Variants in MYO9A observed in about 807,000 individuals in gnomAD.
MYO9A encodes the protein unconventional myosin-IXa.
In MYO9A, 103 loss-of-function variants were observed where a neutral mutation model predicts 293.3. That is an observed-to-expected ratio of 0.35 (90% CI 0.30 to 0.41). MYO9A has a LOEUF of 0.41. MYO9A is among the 10% of genes least tolerant of loss of function. MYO9A has a pLI of 1.00. For missense variants in MYO9A, 2,685 were observed against 3,033.0 expected (o/e 0.89, Z 2.69); for synonymous variants, 1,001 against 1,035.7 (o/e 0.97, Z 0.64).
chr15:72,098,498 A>T (rs920458213), intron 1 of MYO9A, among the ~76,000 whole-genome samples: 1 of 152,210 alleles, frequency 6.6e-6, no homozygotes, highest in Non-Finnish European at 1.5e-5. Context: ...ATAAATGAAA[A>T]ATATTTTGAA....
chr15:71,978,056 A>T, intron 12 of MYO9A, 115 bp downstream of exon 12: 1 of 1,199,846 alleles, frequency 8.3e-7, no homozygotes, highest in South Asian at 1.4e-5. Flanking sequence ...TAAAAAAATA[A>T]ATTGTACAAA....
intron 1 of MYO9A, among the ~76,000 whole-genome samples, chr15:72,057,304 T>C (rs915714092): frequency 6.6e-6 from 1 of 152,066 alleles, no homozygotes; most frequent in Non-Finnish European, 1.5e-5. Context: ...AACTTACTCA[T>C]GCAACCAAGC....
At chr15:71,968,184 T>C in intron 12 of MYO9A, 59 bp from the exon 13 acceptor site, 1 of 1,395,584 alleles carries the variant, frequency 7.2e-7, no homozygotes, top group Non-Finnish European at 9.6e-7. Context: ...ATGCGGTAAT[T>C]AGTACAGCCC....
intron 19 of MYO9A, among the ~76,000 whole-genome samples, chr15:71,909,025 T>G (rs1475508433): frequency 1.3e-5 from 2 of 152,208 alleles, no homozygotes; most frequent in Non-Finnish European, 2.9e-5. Flanking sequence ...CCTTTTCATA[T>G]TGGCTTCTTT....
Position 71,897,652 on chromosome 15 carries a change from G to T in MYO9A, c.4851C>A (p.Val1617=). 6.2e-7 allele frequency: 1 copy of T among 1,614,098 alleles called. No homozygotes were observed. Among genetic ancestry groups the T allele is most frequent in the East Asian group, 2.2e-5 (1 of 44,880 alleles). Residue 1617 remains valine, a synonymous_variant, in exon 25 of 42, where the codon GTC becomes GTA. Transcript: ENST00000356056. ...RKGSPCQSST[V]KELSKTDRMG... ...TTCTGTCTGTCTTGGATAATTCCTT[G>T]ACAGTACTAGATTGGCATGGACTTC...
intron 1 of MYO9A, among the ~76,000 whole-genome samples, chr15:72,109,184 G>A (rs533014730): frequency 4.6e-5 from 7 of 151,864 alleles, no homozygotes; most frequent in African/African-American, 1.4e-4. Context: ...AGGTCAGGAG[G>A]TCGAGACCAT....
chr15:71,883,101 G>A lies in MYO9A; in HGVS notation c.5398+493C>T, dbSNP rs1042452154. Among the ~76,000 whole-genome samples, 3 of 152,064 alleles carry A rather than the reference G, an allele frequency of 2.0e-5. No individual in the cohort carries two copies. The East Asian group carries it at 5.8e-4, about 29-fold the overall frequency. ...TTACAGGTGTGAACCATCGTGCCTG[G>A]CCTAATAAAAAAAATTCTCTGTGCC... On this transcript the variant is annotated intron_variant, in intron 28 of 41. Coordinates refer to ENST00000356056, the MANE Select transcript of MYO9A (RefSeq NM_006901.4).
In MYO9A at chr15:72,074,563, C is replaced by T. The variant is rs564697408; in HGVS notation, c.-71-27929G>A. On this transcript the variant is annotated intron_variant, in intron 1 of 41. Coordinates refer to ENST00000356056, the MANE Select transcript of MYO9A (RefSeq NM_006901.4). ...ATAGACTGATACGATGGACCAAATTCCAAAGAAGTCCCACAAGTAAAGTTA... is the reference window on the plus strand; with the variant it reads ...ATAGACTGATACGATGGACCAAATTTCAAAGAAGTCCCACAAGTAAAGTTA... 8.1e-4 allele frequency among the ~76,000 whole-genome samples: 124 copies of T among 152,260 alleles called. 1 individual carries two copies. The highest frequency in any genetic ancestry group is 3.9e-4 in the East Asian group (2 of 5,186).
At chr15:71,903,197 A>G in intron 21 of MYO9A, 134 bp from the exon 22 acceptor site, 1 of 719,758 alleles carries the variant, frequency 1.4e-6, no homozygotes, top group Non-Finnish European at 2.2e-6. Flanking sequence ...TGTTAATTTA[A>G]GATATGATAA....
intron 1 of MYO9A, among the ~76,000 whole-genome samples, chr15:72,116,392 T>C (rs1421393403): frequency 6.6e-6 from 1 of 152,226 alleles, no homozygotes; most frequent in African/African-American, 2.4e-5. Flanking sequence ...CATTTCTTTC[T>C]TGACAACTCA....
At position 72,110,877 on chromosome 15, in the gene MYO9A, C is replaced by A. The variant is rs757236646; in HGVS notation, c.-72+6803G>T. 2.0e-5 allele frequency among the ~76,000 whole-genome samples: 3 copies of A among 151,984 alleles called. No individual in the cohort carries two copies. The South Asian group carries it at 6.2e-4, about 32-fold the overall frequency. On this transcript the variant is annotated intron_variant, in intron 1 of 41. Transcript: ENST00000356056. ...GTGAAATTCTTAAAATTCTTGATTTCGGCCGGGCATGGTGGCTCACGCCTG... is the reference window on the plus strand; with the variant it reads ...GTGAAATTCTTAAAATTCTTGATTTAGGCCGGGCATGGTGGCTCACGCCTG...
chr15:72,012,595 G>C (rs751630793), intron 6 of MYO9A, among the ~76,000 whole-genome samples: 1 of 152,114 alleles, frequency 6.6e-6, no homozygotes, highest in Non-Finnish European at 1.5e-5. Context: ...ACCGTACCCA[G>C]CCCTAAGATA....
intron 1 of MYO9A, among the ~76,000 whole-genome samples, chr15:72,067,131 TATTA>T (rs995472667): frequency 5.4e-5 from 8 of 148,216 alleles, no homozygotes; most frequent in Non-Finnish European, 8.9e-5. Context: ...CTATTAACTA[TATTA>T]ATTACATAAA....
At chr15:72,097,729 G>A (rs576434659) in intron 1 of MYO9A, among the ~76,000 whole-genome samples, 1 of 152,202 alleles carries the variant, frequency 6.6e-6, no homozygotes, top group Non-Finnish European at 1.5e-5. Context: ...CCAACATGGT[G>A]TAACCCCATG....
chr15:71,961,116 A>AAG (rs2075728322), intron 13 of MYO9A, among the ~76,000 whole-genome samples: 1 of 152,228 alleles, frequency 6.6e-6, no homozygotes, highest in Non-Finnish European at 1.5e-5. Context: ...TATTCAAAGA[A>AAG]AGAATGGAAA....
intron 39 of MYO9A, among the ~76,000 whole-genome samples, chr15:71,836,116 T>C (rs1268297067): frequency 6.6e-6 from 1 of 152,036 alleles, no homozygotes; most frequent in Non-Finnish European, 1.5e-5. Flanking sequence ...GAAGAAAATT[T>C]GCAACAAAAG....
intron 39 of MYO9A, chr15:71,847,518 G>A: frequency 2.3e-6 from 1 of 429,018 alleles, no homozygotes; most frequent in Non-Finnish European, 4.9e-6. Flanking sequence ...GAATGTACAT[G>A]TCATTGCCTC....
At chr15:72,068,977 T>C (rs929195475) in intron 1 of MYO9A, among the ~76,000 whole-genome samples, 5 of 152,216 alleles carry the variant, frequency 3.3e-5, no homozygotes, top group African/African-American at 1.2e-4. Context: ...ACATAGACTT[T>C]GCCACTTGTC....
At chr15:71,924,523 T>C (rs1364438249) in intron 18 of MYO9A, among the ~76,000 whole-genome samples, 1 of 152,140 alleles carries the variant, frequency 6.6e-6, no homozygotes, top group Non-Finnish European at 1.5e-5. Flanking sequence ...ATTACAGGTG[T>C]GAGCCAAGGC....
Sources: allele counts gnomAD v4.1 joint callset (sites outside exome capture counted in the v4.1 genomes callset), GRCh38; gene constraint gnomAD v4.1.1; transcripts MANE v1.5; gene names NCBI Gene and HGNC (gene_info 2026-07-23, HGNC 2026-07-21).